Variants in TLE7 observed in about 807,000 individuals in gnomAD.
The protein encoded by TLE7 is transducin-like enhancer protein 7.
chr16:71,432,564 C>T (rs1214973582), intron 4 of TLE7, 101 bp downstream of exon 4: 1 of 398,242 alleles, frequency 2.5e-6, no homozygotes, highest in African/African-American at 2.1e-5. Context: ...CCCAGGACAC[C>T]CCCCTACCTA....
Position 71,431,741 on chromosome 16 carries a change from G to T in TLE7, c.851+20C>A, listed in dbSNP as rs556877689. The T allele has an allele frequency of 5.0e-6, 2 of 400,636 alleles. No homozygotes were observed. Among genetic ancestry groups the T allele is most frequent in the Non-Finnish European group, 8.8e-6 (2 of 226,328 alleles). The allele number at this position is 400,636 out of a possible 1,614,324, so 24.8% of individuals were successfully genotyped here. ...GCCCTCCCCCAGGTACACCTGAGTGGCTCTGGAGAGAGGTCATACCTGATC... is the reference window on the plus strand; with the variant it reads ...GCCCTCCCCCAGGTACACCTGAGTGTCTCTGGAGAGAGGTCATACCTGATC... On this transcript the variant is annotated intron_variant, in intron 6 of 9. Coordinates refer to ENST00000561754, the MANE Select transcript of TLE7 (RefSeq NM_001367365.2). This position sits in a 1 kb window ranked among gnomAD's most constrained non-coding sequence, Gnocchi z 4.5.
Position 71,431,724 on chromosome 16 carries a change from C to T in TLE7, c.851+37G>A. 3 of 400,662 alleles carry T rather than the reference C, an allele frequency of 7.5e-6. No individual in the cohort carries two copies. Among genetic ancestry groups the T allele is most frequent in the East Asian group, 3.6e-5 (1 of 28,082 alleles). 24.8% of individuals were successfully genotyped at this position (400,662 alleles called of 1,614,324 possible). A position where few individuals can be genotyped will look rare whatever the true frequency, so the allele number is the denominator to read the frequency against. On this transcript the variant is annotated intron_variant, in intron 6 of 9. Transcript: ENST00000561754. The surrounding 1 kb of genome is among the most constrained non-coding windows in gnomAD (Gnocchi z 4.5). Reference sequence around the variant, plus strand: ...AAGAGCCTCACTGGCAAGCCCTCCCCCAGGTACACCTGAGTGGCTCTGGAG... The same window carrying T: ...AAGAGCCTCACTGGCAAGCCCTCCCTCAGGTACACCTGAGTGGCTCTGGAG...
At chr16:71,438,585 G>A (rs2042835570) in intron 1 of TLE7, among the ~76,000 whole-genome samples, 1 of 150,274 alleles carries the variant, frequency 6.7e-6, no homozygotes, top group Admixed American at 6.6e-5. Flanking sequence ...GGAGGCTGAG[G>A]CAGGGAGAAT....
At chr16:71,436,458 T>C (rs1479828168) in intron 1 of TLE7, among the ~76,000 whole-genome samples, 4 of 152,158 alleles carry the variant, frequency 2.6e-5, no homozygotes, top group Non-Finnish European at 4.4e-5. Context: ...GGTTAACCTA[T>C]GAGCCCTTGA....
intron 1 of TLE7, among the ~76,000 whole-genome samples, chr16:71,441,420 T>C (rs2042847315): frequency 6.6e-6 from 1 of 152,242 alleles, no homozygotes; most frequent in Non-Finnish European, 1.5e-5. Flanking sequence ...CTTGGGGTTC[T>C]GGCCTGCAGG....
Position 71,431,030 on chromosome 16 carries a change from C to T in TLE7, c.1147+91G>A, listed in dbSNP as rs1436732425. ...CAGGATCTCCCATTACGGAGGGAGC[C>T]AGAAAAGGAAAGGGGGGTGAACAGA... On this transcript the variant is annotated intron_variant, in intron 8 of 9. Coordinates refer to ENST00000561754, the MANE Select transcript of TLE7 (RefSeq NM_001367365.2). This position sits in a 1 kb window ranked among gnomAD's most constrained non-coding sequence, Gnocchi z 4.5. The T allele has an allele frequency of 2.5e-6, 1 of 399,928 alleles. No individual in the cohort carries two copies. The highest frequency in any genetic ancestry group is 4.4e-6 in the Non-Finnish European group (1 of 226,234). 24.8% of individuals were successfully genotyped at this position (399,928 alleles called of 1,614,324 possible).
At chr16:71,438,332 G>C (rs1421347182) in intron 1 of TLE7, among the ~76,000 whole-genome samples, 1 of 151,032 alleles carries the variant, frequency 6.6e-6, no homozygotes, top group African/African-American at 2.4e-5. Context: ...AGGAGGCTGA[G>C]GCAGGAGAAT....
At chr16:71,441,587 G>A (rs1189991832) in intron 1 of TLE7, among the ~76,000 whole-genome samples, 2 of 152,236 alleles carry the variant, frequency 1.3e-5, no homozygotes, top group Non-Finnish European at 1.5e-5. Flanking sequence ...TTCCTCCCGC[G>A]CTCCCGGAAA....
At chr16:71,435,359 C>T (rs1048711421) in intron 1 of TLE7, among the ~76,000 whole-genome samples, 21 of 151,990 alleles carry the variant, frequency 1.4e-4, no homozygotes, top group Admixed American at 2.0e-4. Context: ...TGCAGTGAGC[C>T]GAGATCGTGC....
chr16:71,434,237 G>A (rs146054336), intron 1 of TLE7, among the ~76,000 whole-genome samples: 4 of 152,178 alleles, frequency 2.6e-5, no homozygotes, highest in East Asian at 1.9e-4. Flanking sequence ...TAGAATACTC[G>A]GCATTGTACA....
intron 1 of TLE7, among the ~76,000 whole-genome samples, chr16:71,438,681 C>CAAAAAAA (rs71389663): frequency 1.5e-5 from 1 of 65,762 alleles, no homozygotes; most frequent in Non-Finnish European, 3.0e-5. Context: ...GACTCCATCT[C>CAAAAAAA]AAAAAAAAAA....
chr16:71,440,388 G>A (rs189487004), intron 1 of TLE7, among the ~76,000 whole-genome samples: 1 of 152,170 alleles, frequency 6.6e-6, no homozygotes, highest in African/African-American at 2.4e-5. Context: ...TGAGGCAGGA[G>A]AATCACTTGA....
chr16:71,431,089 C>A lies in TLE7; in HGVS notation c.1147+32G>T. ...AGACGACAGCAAGTTCAAAATCGGACACCCAGAGGTGTCACCTGGCTTCTC... is the reference window on the plus strand; with the variant it reads ...AGACGACAGCAAGTTCAAAATCGGAAACCCAGAGGTGTCACCTGGCTTCTC... On this transcript the variant is annotated intron_variant, in intron 8 of 9. Transcript: ENST00000561754. This position sits in a 1 kb window ranked among gnomAD's most constrained non-coding sequence, Gnocchi z 4.5. The A allele has an allele frequency of 2.5e-6, 1 of 400,802 alleles. No individual in the cohort carries two copies. The allele number at this position is 400,802 out of a possible 1,614,324, so 24.8% of individuals were successfully genotyped here.
In TLE7 at chr16:71,433,532, A is replaced by T. The variant is rs367686651; in HGVS notation, c.-96-112T>A. ...AAAAGATTCAAAAGAGTGGTTGCCA[A>T]CTAGCTTTTCACATTAGGTGTTGGC... On this transcript the variant is annotated intron_variant, in intron 1 of 9. Coordinates refer to ENST00000561754, the MANE Select transcript of TLE7 (RefSeq NM_001367365.2). The T allele has an allele frequency of 8.5e-4, 334 of 392,004 alleles. No individual in the cohort carries two copies. The Middle Eastern group carries it at 0.011, about 13-fold the overall frequency. The allele number at this position is 392,004 out of a possible 1,614,324, so 24.3% of individuals were successfully genotyped here. A position where few individuals can be genotyped will look rare whatever the true frequency, so the allele number is the denominator to read the frequency against.
intron 1 of TLE7, among the ~76,000 whole-genome samples, chr16:71,435,280 A>G (rs2042821897): frequency 1.3e-5 from 2 of 152,272 alleles, no homozygotes; most frequent in Non-Finnish European, 2.9e-5. Flanking sequence ...GTGTGGTGCC[A>G]CGCACCTGTA....
rs1002871487 is a variant in TLE7 at position 71,432,646 on chromosome 16, T to C, written c.393+19A>G. The C allele has an allele frequency of 1.5e-5, 6 of 398,528 alleles. No individual in the cohort carries two copies. The highest frequency in any genetic ancestry group is 6.2e-5 in the African/African-American group (3 of 48,588). The allele number at this position is 398,528 out of a possible 1,614,324, so 24.7% of individuals were successfully genotyped here. ...TAGGTGGGAAAGGAAGGATCCTGAG[T>C]ATGAAGTTGGACACTTACAATTGCT... On this transcript the variant is annotated intron_variant, in intron 4 of 9. Coordinates refer to ENST00000561754, the MANE Select transcript of TLE7 (RefSeq NM_001367365.2).
Position 71,431,688 on chromosome 16 carries a change from CAAAGAGGGG to C in TLE7, c.851+64_851+72del. ...TACACTGACTCGCCCAGCCCTAATG[CAAAGAGGGG>C]AAAGAGCCTCACTGGCAAGCCCTCC... On this transcript the variant is annotated intron_variant, in intron 6 of 9. Transcript: ENST00000561754. The surrounding 1 kb of genome is among the most constrained non-coding windows in gnomAD (Gnocchi z 4.5). 2.5e-6 allele frequency: 1 copy of C among 400,424 alleles called. No homozygotes were observed. The highest frequency in any genetic ancestry group is 4.4e-6 in the Non-Finnish European group (1 of 226,322). The allele number at this position is 400,424 out of a possible 1,614,324, so 24.8% of individuals were successfully genotyped here. A position where few individuals can be genotyped will look rare whatever the true frequency, so the allele number is the denominator to read the frequency against.
At chr16:71,438,291 C>T (rs184103991) in intron 1 of TLE7, among the ~76,000 whole-genome samples, 2 of 151,992 alleles carry the variant, frequency 1.3e-5, no homozygotes, top group Non-Finnish European at 2.9e-5. Context: ...ATTAGCCAGG[C>T]ATGGTGGCAT....
chr16:71,440,576 G>A (rs2042843335), intron 1 of TLE7, among the ~76,000 whole-genome samples: 1 of 152,214 alleles, frequency 6.6e-6, no homozygotes, highest in Admixed American at 6.5e-5. Flanking sequence ...TAGGGGTCCT[G>A]CAAATCCCAA....
Sources: gnomAD v4.1 joint callset for allele counts (sites outside exome capture counted in the v4.1 genomes callset) on GRCh38, gnomAD v4.1.1 for gene constraint, Gnocchi (gnomAD v3.1) non-coding constraint, MANE v1.5 for transcripts, NCBI Gene and HGNC (gene_info 2026-07-23, HGNC 2026-07-21) for gene names.